Variants in HUWE1 observed in about 807,000 individuals in gnomAD.
HUWE1 encodes E3 ubiquitin-protein ligase HUWE1.
A neutral mutation model predicts 299.4 loss-of-function variants in HUWE1; 18 were observed. The observed-to-expected ratio is 0.06, with a 90% confidence interval of 0.04 to 0.09. HUWE1 has a LOEUF of 0.09. Ranked by LOEUF, HUWE1 falls within the 10% of genes least tolerant of loss-of-function variation. The pLI is 1.00. For synonymous variants in HUWE1, 1,317 were observed against 1,286.1 expected (o/e 1.02, Z -0.51); for missense variants, 1,832 against 3,462.3 (o/e 0.53, Z 11.82).
chrX:53,644,153 C>T (rs959438940), intron 7 of HUWE1, among the ~76,000 whole-genome samples: 19 of 112,284 alleles, frequency 1.7e-4, no homozygotes, highest in Admixed American at 1.0e-3. Context: ...ATGTATTCTT[C>T]GCTTCTTTCT....
At chrX:53,624,767 A>T in intron 18 of HUWE1, 92 bp from the exon 19 acceptor site, 1 of 630,127 alleles carries the variant, frequency 1.6e-6, no homozygotes. Context: ...GTATTATCAC[A>T]CTGTGGTCCT....
intron 61 of HUWE1, 97 bp downstream of exon 61, chrX:53,554,536 C>T (rs782624814): frequency 3.8e-5 from 34 of 898,678 alleles, no homozygotes; most frequent in Non-Finnish European, 5.3e-5. Flanking sequence ...AGTTGAACTC[C>T]TACTATTTCT....
chrX:53,619,179 G>C (rs2065976013), intron 19 of HUWE1, among the ~76,000 whole-genome samples: 1 of 111,233 alleles, frequency 9.0e-6, no homozygotes, highest in African/African-American at 3.3e-5. Context: ...ATATATAGCA[G>C]TTACCGGGGA....
chrX:53,645,592 A>G, intron 6 of HUWE1, 129 bp from the exon 7 acceptor site: 7 of 668,721 alleles, frequency 1.0e-5, no homozygotes, highest in Non-Finnish European at 1.6e-5. Flanking sequence ...AAAAATATAT[A>G]AGTATTTGTA....
intron 11 of HUWE1, 74 bp from the exon 12 acceptor site, chrX:53,631,108 A>G (rs1345095346): frequency 3.0e-6 from 2 of 657,159 alleles, no homozygotes; most frequent in Admixed American, 4.6e-5. Flanking sequence ...GGCTAACTCA[A>G]AAAACAACAC....
At chrX:53,573,684 G>T in intron 47 of HUWE1, 66 bp downstream of exon 47, 1 of 939,214 alleles carries the variant, frequency 1.1e-6, no homozygotes, top group Non-Finnish European at 1.5e-6. Flanking sequence ...AGCAGTGTCT[G>T]ACACAGGCGG....
Position 53,607,550 on chromosome X carries a change from A to C in HUWE1, c.2469T>G (p.Ala823=), listed in dbSNP as rs781818715. 9.9e-6 allele frequency: 12 copies of C among 1,210,160 alleles called. No homozygotes were observed. The highest frequency in any genetic ancestry group is 1.3e-5 in the Non-Finnish European group (12 of 894,840). The stretch of plus-strand genomic sequence containing the variant: ...ATATGGATTTGCAGACACCTGCAAC[A>C]GCCTGACAGGCAGCAGATGTGGGAA... ...IDFPTSAACQ[A]VAGVCKSILT... is the part of the protein sequence containing the mutation. The change falls in exon 25 of 84, where the codon GCT becomes GCG. Residue 823 remains alanine, a synonymous_variant. Transcript: ENST00000262854.
rs1174411228 is a variant in HUWE1 at position 53,548,030 on chromosome X, C to T, written c.10279G>A (p.Glu3427Lys). 8.3e-7 allele frequency: 1 copy of T among 1,210,865 alleles called. No individual in the cohort carries two copies. Among genetic ancestry groups the T allele is most frequent in the South Asian group, 1.8e-5 (1 of 56,743 alleles). The stretch of plus-strand genomic sequence containing the variant: ...ATGAGCTGCCCCAGTGGAGAGGCCT[C>T]GAGGCTGTATGGAGAGGTTTCCCCC... ...GEGETSPYSL[E>K]ASPLGQLMNM... The change falls in exon 68 of 84, where the codon GAG becomes AAG. Residue 3427 changes from glutamate (E) to lysine (K), a missense_variant. Around this residue, in one of 15 missense-constraint regions of HUWE1, gnomAD observed 119 missense variants for 124.6 expected, o/e 0.96. Coordinates refer to ENST00000262854, the MANE Select transcript of HUWE1 (RefSeq NM_031407.7).
chrX:53,543,903 C>G lies in HUWE1; in HGVS notation c.11317G>C (p.Asp3773His). The change falls in exon 73 of 84, where the codon GAT becomes CAT. Residue 3773 changes from aspartate (D) to histidine (H), a missense_variant. This residue lies in a region of HUWE1 where 41 missense variants were observed against 124.0 expected (regional missense o/e 0.33). Coordinates refer to ENST00000262854, the MANE Select transcript of HUWE1 (RefSeq NM_031407.7). ...TCACGTACCATTTGTATAATGGCATCAGCCTCAGCCTCCAGCTGCCGAACA... is the reference window on the plus strand; with the variant it reads ...TCACGTACCATTTGTATAATGGCATGAGCCTCAGCCTCCAGCTGCCGAACA... ...AAVRQLEAEA[D>H]AIIQMVREGQ... 1 of 1,209,896 alleles carries G rather than the reference C, an allele frequency of 8.3e-7. No homozygotes were observed. The highest frequency in any genetic ancestry group is 1.1e-6 in the Non-Finnish European group (1 of 894,398).
intron 25 of HUWE1, among the ~76,000 whole-genome samples, chrX:53,605,228 G>A (rs1013338288): frequency 1.8e-5 from 2 of 112,367 alleles, no homozygotes; most frequent in African/African-American, 3.2e-5. Context: ...AAACAAAAGC[G>A]ATTATTCTGA....
rs782758359 is a variant in HUWE1, at chrX:53,627,656, C to T, written c.1383+83G>A. On this transcript the variant is annotated intron_variant, in intron 16 of 83. Coordinates refer to ENST00000262854, the MANE Select transcript of HUWE1 (RefSeq NM_031407.7). ...CTAGAAACAGAAGAGACTGTAAGAT[C>T]GCTCTTTAGGGTTATCAGGACAATC... 1.6e-4 allele frequency: 153 copies of T among 954,019 alleles called. No homozygotes were observed. In the South Asian group the frequency reaches 2.9e-3, roughly 18 times the overall value. The allele number at this position is 954,019 out of a possible 1,213,427, so 78.6% of individuals were successfully genotyped here.
intron 3 of HUWE1, among the ~76,000 whole-genome samples, chrX:53,664,352 C>G (rs1323120436): frequency 8.9e-6 from 1 of 112,286 alleles, no homozygotes; most frequent in African/African-American, 3.2e-5. Context: ...TGTGCCAGGC[C>G]TAAAATTTTC....
Position 53,544,032 on chromosome X carries a change from TCTCTC to T in HUWE1, c.11252-69_11252-65del, listed in dbSNP as rs2061455909. On this transcript the variant is annotated intron_variant, in intron 72 of 83. Transcript: ENST00000262854. ...TAGGAAGAGGGAAAGCCCAATATTC[TCTCTC>T]CTATCTCCTGGGCTGCCACAGGGCA... The T allele has an allele frequency of 7.2e-6, 7 of 977,409 alleles. No individual in the cohort carries two copies. The South Asian group carries it at 1.2e-4, about 17-fold the overall frequency. The allele number at this position is 977,409 out of a possible 1,213,427, so 80.5% of individuals were successfully genotyped here.
intron 2 of HUWE1, chrX:53,680,648 G>T (rs1353651711): frequency 1.8e-5 from 2 of 112,108 alleles, no homozygotes; most frequent in African/African-American, 6.5e-5. Context: ...CTTAGACAAA[G>T]TTTTTATTTG....
chrX:53,560,850 C>T (rs1222574324), intron 55 of HUWE1, among the ~76,000 whole-genome samples: 4 of 111,681 alleles, frequency 3.6e-5, no homozygotes, highest in Non-Finnish European at 1.9e-5. Context: ...CAATGTAATG[C>T]CTGCTTAGTT....
intron 7 of HUWE1, among the ~76,000 whole-genome samples, chrX:53,640,880 A>G (rs2067541688): frequency 8.9e-6 from 1 of 112,404 alleles, no homozygotes; most frequent in Non-Finnish European, 1.9e-5. Context: ...TTCTACTTAA[A>G]TTGTCAGAAC....
At chrX:53,629,438 C>T (rs188749685) in intron 13 of HUWE1, 78 bp downstream of exon 13, 19 of 668,529 alleles carry the variant, frequency 2.8e-5, no homozygotes, top group Admixed American at 2.5e-4. Context: ...CCCTCCCCCC[C>T]CAAAAAAGTC....
intron 82 of HUWE1, 113 bp downstream of exon 82, chrX:53,534,403 G>A: frequency 1.4e-6 from 1 of 736,818 alleles, no homozygotes; most frequent in East Asian, 3.2e-5. Context: ...TAGGTAGACT[G>A]TCTTCTACAT....
In HUWE1 at chrX:53,614,591, A is replaced by G; in HGVS notation, c.2204T>C (p.Val735Ala). 8.3e-7 allele frequency: 1 copy of G among 1,210,702 alleles called. No individual in the cohort carries two copies. Among genetic ancestry groups the G allele is most frequent in the Non-Finnish European group, 1.1e-6 (1 of 894,743 alleles). The change falls in exon 23 of 84, where the codon GTA (valine) becomes GCA (alanine). Residue 735 changes from valine (V) to alanine (A), a missense_variant. Around this residue, in one of 15 missense-constraint regions of HUWE1, gnomAD observed 658 missense variants for 1,282.6 expected, o/e 0.51. Coordinates refer to ENST00000262854, the MANE Select transcript of HUWE1 (RefSeq NM_031407.7). The part of the protein sequence containing the change: ...ASSEDEEEEE[V>A]QAMQSFNSTQ... The stretch of plus-strand genomic sequence containing the variant: ...AGAATTAAAGCTCTGCATGGCCTGT[A>G]CTTCCTCTTCCTCCTCATCCTCACT...
Sources: gnomAD v4.1 joint callset for allele counts (sites outside exome capture counted in the v4.1 genomes callset) on GRCh38, gnomAD v4.1.1 for gene constraint, gnomAD v4.1.1 regional missense constraint, MANE v1.5 for transcripts, NCBI Gene and HGNC (gene_info 2026-07-23, HGNC 2026-07-21) for gene names.